Variants in CNTN5 observed in about 807,000 individuals in gnomAD.
The protein encoded by CNTN5 is contactin-5.
CNTN5 carries 77 observed loss-of-function variants against 129.1 expected under a neutral mutation model. That is an observed-to-expected ratio of 0.60 (90% CI 0.50 to 0.72). The LOEUF is 0.72. Ranked by LOEUF, CNTN5 falls within the 30% of genes least tolerant of loss-of-function variation. The pLI, the probability that CNTN5 is intolerant of heterozygous loss-of-function variation, is 0.00. For missense variants in CNTN5, 1,478 were observed against 1,328.8 expected (o/e 1.11, Z -1.75); for synonymous variants, 509 against 465.6 (o/e 1.09, Z -1.20).
At chr11:99,996,674 G>A (rs1939466296) in intron 8 of CNTN5, among the ~76,000 whole-genome samples, 1 of 152,212 alleles carries the variant, frequency 6.6e-6, no homozygotes, top group East Asian at 1.9e-4. Context: ...TTGAGACTGG[G>A]TAACTTATAA....
chr11:99,614,043 T>A (rs952950670), intron 3 of CNTN5, among the ~76,000 whole-genome samples: 6 of 152,200 alleles, frequency 3.9e-5, no homozygotes, highest in Non-Finnish European at 8.8e-5. Context: ...TTCCAAAAGA[T>A]TAGCAAAGTT....
At chr11:99,612,464 T>C (rs1727759295) in intron 3 of CNTN5, among the ~76,000 whole-genome samples, 1 of 152,200 alleles carries the variant, frequency 6.6e-6, no homozygotes, top group Non-Finnish European at 1.5e-5. Context: ...TTACACCACC[T>C]GTACTATGTA....
chr11:100,273,733 G>A (rs113752376), intron 18 of CNTN5, among the ~76,000 whole-genome samples: 7 of 152,260 alleles, frequency 4.6e-5, no homozygotes, highest in African/African-American at 1.4e-4. Flanking sequence ...AGGGAGACAG[G>A]CACCCAGGAA....
chr11:99,391,779 A>G (rs964816079), intron 2 of CNTN5, among the ~76,000 whole-genome samples: 2 of 151,992 alleles, frequency 1.3e-5, no homozygotes, highest in African/African-American at 4.8e-5. Context: ...TTCTGATCAC[A>G]TAAAAACATT....
intron 1 of CNTN5, among the ~76,000 whole-genome samples, chr11:99,310,052 T>C (rs988185120): frequency 1.3e-5 from 2 of 152,096 alleles, no homozygotes; most frequent in African/African-American, 4.8e-5. Flanking sequence ...CTTTTTACAG[T>C]GTTGACTGAG....
intron 3 of CNTN5, among the ~76,000 whole-genome samples, chr11:99,728,635 G>T (rs1446128991): frequency 6.6e-6 from 1 of 152,164 alleles, no homozygotes; most frequent in Non-Finnish European, 1.5e-5. Flanking sequence ...AACCTGCTTA[G>T]GTTGCTTGTT....
intron 1 of CNTN5, among the ~76,000 whole-genome samples, chr11:99,171,541 T>A (rs897348356): frequency 6.6e-6 from 1 of 152,202 alleles, no homozygotes; most frequent in Non-Finnish European, 1.5e-5. Flanking sequence ...ACCTGCTCTA[T>A]GTCCTGTTTC....
chr11:99,923,580 G>A (rs1193666935), intron 7 of CNTN5, among the ~76,000 whole-genome samples: 1 of 151,878 alleles, frequency 6.6e-6, no homozygotes, highest in African/African-American at 2.4e-5. Context: ...TTTACTTTGG[G>A]GTATATACCC....
chr11:99,998,256 C>T (rs1689228185), intron 8 of CNTN5, among the ~76,000 whole-genome samples: 1 of 151,998 alleles, frequency 6.6e-6, no homozygotes, highest in Admixed American at 6.6e-5. Context: ...CCAGAAAACC[C>T]CATCATCTCA....
chr11:99,520,622 A>C (rs1947241780), intron 2 of CNTN5, among the ~76,000 whole-genome samples: 1 of 152,112 alleles, frequency 6.6e-6, no homozygotes, highest in African/African-American at 2.4e-5. Flanking sequence ...AAAGAAAGAA[A>C]AGAGTGAGGG....
intron 3 of CNTN5, among the ~76,000 whole-genome samples, chr11:99,689,585 T>G (rs1040370877): frequency 1.4e-5 from 2 of 142,578 alleles, no homozygotes; most frequent in African/African-American, 2.6e-5. Flanking sequence ...CTCAGCAGCA[T>G]CTGTTACTTT....
chr11:99,118,857 C>A (rs191358612), intron 1 of CNTN5, among the ~76,000 whole-genome samples: 134 of 148,812 alleles, frequency 9.0e-4, no homozygotes, highest in African/African-American at 3.2e-3. Flanking sequence ...TATGGTATAC[C>A]TAAATAAGTA....
chr11:99,932,297 A>G (rs567445034), intron 7 of CNTN5, among the ~76,000 whole-genome samples: 2 of 152,234 alleles, frequency 1.3e-5, no homozygotes, highest in Admixed American at 6.5e-5. Flanking sequence ...GGTTCCAGCA[A>G]TTCTCCTGCC....
chr11:99,611,108 A>G (rs1950580296), intron 3 of CNTN5, among the ~76,000 whole-genome samples: 1 of 152,158 alleles, frequency 6.6e-6, no homozygotes, highest in South Asian at 2.1e-4. Flanking sequence ...TTTATTTTCA[A>G]GGTGCCAACA....
intron 3 of CNTN5, among the ~76,000 whole-genome samples, chr11:99,809,338 G>T (rs1946363378): frequency 6.6e-6 from 1 of 151,972 alleles, no homozygotes; most frequent in Non-Finnish European, 1.5e-5. Flanking sequence ...TCTCCTTGAG[G>T]TTTATTTTTT....
chr11:99,276,442 T>G (rs147751888), intron 1 of CNTN5, among the ~76,000 whole-genome samples: 15 of 151,796 alleles, frequency 9.9e-5, no homozygotes, highest in East Asian at 5.8e-4. Context: ...CATCTGTATC[T>G]TTCCTGTAAT....
At chr11:100,252,761 T>G (rs1226114862) in intron 16 of CNTN5, among the ~76,000 whole-genome samples, 2 of 152,162 alleles carry the variant, frequency 1.3e-5, no homozygotes, top group Non-Finnish European at 2.9e-5. Flanking sequence ...TGGATGCAAG[T>G]TGGATCTCTC....
chr11:99,340,600 C>T (rs1177902642), intron 2 of CNTN5, among the ~76,000 whole-genome samples: 3 of 152,148 alleles, frequency 2.0e-5, no homozygotes, highest in Admixed American at 6.5e-5. Flanking sequence ...TTTGGTGTTA[C>T]TGTTACTTGC....
chr11:100,003,774 T>G (rs1940024708), intron 9 of CNTN5: 1 of 152,166 alleles, frequency 6.6e-6, no homozygotes, highest in Non-Finnish European at 1.5e-5. Flanking sequence ...ACCTTTCTAC[T>G]CCTTCTTTGC....
Sources: allele counts gnomAD v4.1 joint callset (sites outside exome capture counted in the v4.1 genomes callset), GRCh38; gene constraint gnomAD v4.1.1; transcripts MANE v1.5; gene names NCBI Gene and HGNC (gene_info 2026-07-23, HGNC 2026-07-21).